ARMC2: variants seen among roughly 807,000 people sequenced by gnomAD.
The protein encoded by ARMC2 is armadillo repeat-containing protein 2.
Under a neutral mutation model 90.3 loss-of-function variants are expected in ARMC2, and 67 were observed. The observed-to-expected ratio is 0.74, with a 90% CI of 0.61 to 0.91. ARMC2 has a LOEUF of 0.91. Ranked by LOEUF, ARMC2 falls within the 40% of genes least tolerant of loss-of-function variation. The pLI is 0.00. For synonymous variants in ARMC2, 393 were observed against 393.0 expected (o/e 1.00, Z 0.00); for missense variants, 920 against 1,030.9 (o/e 0.89, Z 1.47).
chr6:108,891,639 G>T (rs1480237110), intron 5 of ARMC2, among the ~76,000 whole-genome samples: 2 of 152,102 alleles, frequency 1.3e-5, no homozygotes, highest in African/African-American at 4.8e-5. Flanking sequence ...GTAGATTCTG[G>T]ATATTAGCCC....
intron 5 of ARMC2, among the ~76,000 whole-genome samples, chr6:108,888,243 C>G (rs1259268041): frequency 6.6e-6 from 1 of 152,194 alleles, no homozygotes; most frequent in Non-Finnish European, 1.5e-5. Flanking sequence ...GTGATGACCA[C>G]AGCCATAATA....
chr6:109,000,510 A>G, the ARMC2 span: 1 of 1,591,840 alleles, frequency 6.3e-7, no homozygotes, highest in Non-Finnish European at 8.6e-7. Context: ...TTCTTTGGTA[A>G]TAAGCCAAGG....
intron 10 of ARMC2, among the ~76,000 whole-genome samples, chr6:108,927,160 T>C (rs949039505): frequency 6.7e-6 from 1 of 148,664 alleles, no homozygotes; most frequent in African/African-American, 2.5e-5. Flanking sequence ...CCCCGAGAGG[T>C]GAGCAGTGCT....
At chr6:108,932,741 G>T (rs1775674341) in intron 11 of ARMC2, among the ~76,000 whole-genome samples, 2 of 151,818 alleles carry the variant, frequency 1.3e-5, no homozygotes. Flanking sequence ...TGTTAGCCAG[G>T]ATGGTCTCGA....
At chr6:109,032,820 C>T in the ARMC2 span, among the ~76,000 whole-genome samples, 1 of 152,078 alleles carries the variant, frequency 6.6e-6, no homozygotes, top group East Asian at 1.9e-4. Flanking sequence ...GAAGATATAC[C>T]TTTTATAGCC....
intron 10 of ARMC2, among the ~76,000 whole-genome samples, chr6:108,913,078 G>A (rs889915190): frequency 3.3e-5 from 5 of 152,110 alleles, no homozygotes; most frequent in Non-Finnish European, 7.4e-5. Context: ...AACAGAGCAG[G>A]TAGACCAATT....
intron 12 of ARMC2, among the ~76,000 whole-genome samples, chr6:108,946,332 C>T (rs1446536478): frequency 6.6e-6 from 1 of 152,198 alleles, no homozygotes; most frequent in Admixed American, 6.5e-5. Context: ...CAAGCGTAAT[C>T]TCTTCTGGTT....
At chr6:108,985,575 A>AT in the ARMC2 span, among the ~76,000 whole-genome samples, 2 of 152,166 alleles carry the variant, frequency 1.3e-5, no homozygotes, top group African/African-American at 2.4e-5. Flanking sequence ...GTATAAACAT[A>AT]TTTTTTAACT....
the ARMC2 span, chr6:108,986,944 A>G: frequency 2.0e-5 from 3 of 152,632 alleles, no homozygotes; most frequent in African/African-American, 7.2e-5. Context: ...AACTGTTACC[A>G]TCAAAATGGT....
At chr6:109,033,756 A>G in the ARMC2 span, among the ~76,000 whole-genome samples, 13 of 152,218 alleles carry the variant, frequency 8.5e-5, no homozygotes, top group African/African-American at 3.1e-4. Flanking sequence ...TGACAGTGCC[A>G]AAATGCTGGA....
intron 17 of ARMC2, 85 bp from the exon 18 acceptor site, chr6:108,973,272 G>T: frequency 8.1e-7 from 1 of 1,238,746 alleles, no homozygotes; most frequent in Non-Finnish European, 1.1e-6. Flanking sequence ...CCCAGGGTGA[G>T]TTTAACTCAT....
rs370910531 is a variant in ARMC2, at chr6:108,925,855, C to T, written c.1351-2233C>T. On this transcript the variant is annotated intron_variant, in intron 10 of 17. Transcript: ENST00000392644. ...ATTACTCAACTGTGTGTATCACGTG[C>T]AGTAAATGGGTAGGAATTTCAATCA... Among the ~76,000 whole-genome samples the T allele has an allele frequency of 2.6e-5, 4 of 152,098 alleles. No individual in the cohort carries two copies. The East Asian group carries it at 7.7e-4, about 29-fold the overall frequency.
At chr6:108,871,429 G>T (rs1776405142) in intron 4 of ARMC2, among the ~76,000 whole-genome samples, 1 of 152,024 alleles carries the variant, frequency 6.6e-6, no homozygotes, top group African/African-American at 2.4e-5. Context: ...AATCAGAAAG[G>T]GTTGGTAATT....
At chr6:108,879,293 TATCC>T (rs1777260194) in intron 5 of ARMC2, among the ~76,000 whole-genome samples, 1 of 147,064 alleles carries the variant, frequency 6.8e-6, no homozygotes. Flanking sequence ...TCCATCCATC[TATCC>T]ATCCATCTAC....
chr6:108,911,806 C>T (rs562927087), intron 9 of ARMC2, among the ~76,000 whole-genome samples: 4 of 152,046 alleles, frequency 2.6e-5, no homozygotes, highest in African/African-American at 7.2e-5. Context: ...CTGGATTACT[C>T]GTAAAACCAA....
chr6:108,889,914 C>T (rs1278498934), intron 5 of ARMC2, among the ~76,000 whole-genome samples: 2 of 151,292 alleles, frequency 1.3e-5, no homozygotes, highest in African/African-American at 2.4e-5. Context: ...CCGGGCCGGG[C>T]GCGGTGGCTC....
rs750135901 is a variant in ARMC2 at position 108,962,126 on chromosome 6, T to C, written c.2151T>C (p.Asn717=). 3 of 1,598,836 alleles carry C rather than the reference T, an allele frequency of 1.9e-6. No individual in the cohort carries two copies. Among genetic ancestry groups the C allele is most frequent in the African/African-American group, 1.3e-5 (1 of 74,740 alleles). The part of the protein sequence containing the change: ...HDVCDFIVQN[N]VHRFMMALLD... ...TCTGCGATTTCATTGTGCAGAACAA[T>C]GGTGAGTTAATAACACTAGAATTCA... Residue 717 remains asparagine (N), a splice_region_variant and synonymous_variant, in exon 15 of 18, where the codon AAT becomes AAC. Coordinates refer to ENST00000392644, the MANE Select transcript of ARMC2 (RefSeq NM_032131.6).
chr6:108,996,509 C>A, the ARMC2 span, among the ~76,000 whole-genome samples: 12 of 152,038 alleles, frequency 7.9e-5, no homozygotes, highest in African/African-American at 2.7e-4. Context: ...TACCTATTCT[C>A]CTCTTAAAGA....
chr6:109,009,345 C>G, the ARMC2 span: 1 of 1,469,856 alleles, frequency 6.8e-7, no homozygotes. Context: ...CCGCTCAGCC[C>G]CTCGCCCAGG....
Sources: allele counts gnomAD v4.1 joint callset (sites outside exome capture counted in the v4.1 genomes callset), GRCh38; gene constraint gnomAD v4.1.1; transcripts MANE v1.5; gene names NCBI Gene and HGNC (gene_info 2026-07-23, HGNC 2026-07-21).